Variants in RFX3 observed in about 807,000 individuals in gnomAD.
The protein encoded by RFX3 is transcription factor RFX3.
In RFX3, 14 loss-of-function variants were observed where a neutral mutation model predicts 98.6. That is an observed-to-expected ratio of 0.14 (90% CI 0.09 to 0.22). The LOEUF (loss-of-function observed/expected upper bound fraction) is 0.22, where lower values mean the gene tolerates loss of function less well. Among genes scored for constraint, RFX3 ranks in the 10% least tolerant of loss-of-function variants. RFX3 has a pLI of 1.00. For missense variants in RFX3, 639 were observed against 926.9 expected (o/e 0.69, Z 4.03); for synonymous variants, 383 against 328.4 (o/e 1.17, Z -1.80).
intron 1 of RFX3, among the ~76,000 whole-genome samples, chr9:3,524,877 A>C (rs10972359): frequency 0.012 from 1,182 of 99,680 alleles, 21 homozygotes; most frequent in African/African-American, 0.044. Flanking sequence ...ACACACACAC[A>C]CCAAAGAAGA....
intron 15 of RFX3, among the ~76,000 whole-genome samples, chr9:3,232,070 G>A (rs144910763): frequency 9.5e-6 from 1 of 105,746 alleles, no homozygotes; most frequent in Non-Finnish European, 2.1e-5. Flanking sequence ...AAGCAAGCAA[G>A]CAAACAAACA....
intron 13 of RFX3, among the ~76,000 whole-genome samples, chr9:3,258,293 T>C (rs1354426653): frequency 6.6e-6 from 1 of 152,280 alleles, no homozygotes; most frequent in East Asian, 1.9e-4. Context: ...TGAATACATA[T>C]GTATTTTTCT....
At chr9:3,494,574 CAT>C (rs1850971935) in intron 1 of RFX3, among the ~76,000 whole-genome samples, 1 of 152,052 alleles carries the variant, frequency 6.6e-6, no homozygotes, top group Non-Finnish European at 1.5e-5. Context: ...TTCAGTAAAT[CAT>C]AGTTGTATCT....
intron 14 of RFX3, 62 bp from the exon 15 acceptor site, chr9:3,248,247 T>A: frequency 6.7e-7 from 1 of 1,492,886 alleles, no homozygotes; most frequent in Non-Finnish European, 8.9e-7. Flanking sequence ...GCATTCTACC[T>A]ATTTTTCCTC....
At chr9:3,505,683 C>G (rs1817018449) in intron 1 of RFX3, among the ~76,000 whole-genome samples, 2 of 150,826 alleles carry the variant, frequency 1.3e-5, no homozygotes, top group Non-Finnish European at 3.0e-5. Flanking sequence ...TCCTTCAGGT[C>G]TTTGTTCAAA....
chr9:3,220,129 C>T lies in RFX3; in HGVS notation c.*4913G>A, dbSNP rs528869748. Reference sequence around the variant, plus strand: ...CTATCTATATATAATTTTTTGACAACGTATTAAAGTTTTGGAGCATAGATA... The same window carrying T: ...CTATCTATATATAATTTTTTGACAATGTATTAAAGTTTTGGAGCATAGATA... On this transcript the variant is annotated 3_prime_UTR_variant, in exon 17 of 17. Coordinates refer to ENST00000617270, the MANE Select transcript of RFX3 (RefSeq NM_001282116.2). 2 of 152,160 alleles carry T rather than the reference C, an allele frequency of 1.3e-5. No homozygotes were observed. The highest frequency in any genetic ancestry group is 2.1e-4 in the South Asian group (1 of 4,830). The allele number at this position is 152,160 out of a possible 1,614,324, so 9.4% of individuals were successfully genotyped here.
intron 15 of RFX3, among the ~76,000 whole-genome samples, chr9:3,232,117 T>TG (rs1563771560): frequency 1.3e-5 from 2 of 151,020 alleles, no homozygotes; most frequent in Admixed American, 1.3e-4. Flanking sequence ...AAGATTTAGA[T>TG]GAAAAAAAAA....
intron 13 of RFX3, among the ~76,000 whole-genome samples, chr9:3,260,150 G>A (rs1198414759): frequency 3.3e-5 from 5 of 151,996 alleles, no homozygotes; most frequent in African/African-American, 1.2e-4. Flanking sequence ...AAAATGTAGG[G>A]GGAAATGAAG....
intron 1 of RFX3, among the ~76,000 whole-genome samples, chr9:3,396,641 G>A (rs938056546): frequency 3.3e-5 from 5 of 152,166 alleles, no homozygotes; most frequent in Non-Finnish European, 5.9e-5. Flanking sequence ...GGTTGAACTA[G>A]TTTATGGTCC....
At chr9:3,454,168 T>C (rs971862101) in intron 1 of RFX3, among the ~76,000 whole-genome samples, 2 of 152,194 alleles carry the variant, frequency 1.3e-5, no homozygotes, top group African/African-American at 4.8e-5. Context: ...ACAGTATATT[T>C]TACCCTGATT....
At chr9:3,435,956 G>T (rs1034902847) in intron 1 of RFX3, among the ~76,000 whole-genome samples, 1 of 151,798 alleles carries the variant, frequency 6.6e-6, no homozygotes, top group African/African-American at 2.4e-5. Flanking sequence ...ATTTTCTCTC[G>T]TGCTATTTTC....
chr9:3,488,202 T>C (rs573019717), intron 1 of RFX3, among the ~76,000 whole-genome samples: 3 of 152,210 alleles, frequency 2.0e-5, no homozygotes, highest in Admixed American at 6.5e-5. Context: ...GAGAAACACA[T>C]ATAGAATTGT....
At chr9:3,328,282 T>C (rs1313480506) in intron 4 of RFX3, among the ~76,000 whole-genome samples, 1 of 152,210 alleles carries the variant, frequency 6.6e-6, no homozygotes, top group East Asian at 1.9e-4. Flanking sequence ...CCATTTTCTA[T>C]CTCTTTTCTT....
chr9:3,314,363 C>T (rs1220162288), intron 4 of RFX3, among the ~76,000 whole-genome samples: 2 of 152,172 alleles, frequency 1.3e-5, no homozygotes, highest in African/African-American at 4.8e-5. Flanking sequence ...ACAAGAGCTG[C>T]TGAAGGAAGC....
chr9:3,421,269 G>A (rs535400628), intron 1 of RFX3, among the ~76,000 whole-genome samples: 195 of 152,160 alleles, frequency 1.3e-3, no homozygotes, highest in African/African-American at 3.3e-3. Context: ...TTGAGGAGCC[G>A]GTCAAAACCA....
intron 1 of RFX3, among the ~76,000 whole-genome samples, chr9:3,496,872 G>C (rs560092875): frequency 2.6e-5 from 4 of 152,094 alleles, no homozygotes; most frequent in African/African-American, 9.6e-5. Flanking sequence ...AAAGATACTT[G>C]TGTATGTGGA....
chr9:3,270,761 T>C (rs1824318732), intron 10 of RFX3: 5 of 668,308 alleles, frequency 7.5e-6, no homozygotes, highest in African/African-American at 1.8e-5. Flanking sequence ...GCAGATATGA[T>C]AGTAATTCCA....
chr9:3,268,004 C>A (rs1823877870), intron 11 of RFX3, among the ~76,000 whole-genome samples: 1 of 151,648 alleles, frequency 6.6e-6, no homozygotes, highest in African/African-American at 2.4e-5. Flanking sequence ...AATGCAAGGG[C>A]AATTAGGTGA....
intron 3 of RFX3, chr9:3,344,785 C>A (rs186786180): frequency 2.9e-6 from 2 of 698,084 alleles, no homozygotes; most frequent in South Asian, 3.1e-5. Flanking sequence ...GCATAAAGGT[C>A]GAAGTGGCAG....
Sources: gnomAD v4.1 joint callset for allele counts (sites outside exome capture counted in the v4.1 genomes callset) on GRCh38, gnomAD v4.1.1 for gene constraint, MANE v1.5 for transcripts, NCBI Gene and HGNC (gene_info 2026-07-23, HGNC 2026-07-21) for gene names.